The following TRPS1 variants were observed in gnomAD, a reference collection of about 807,000 sequenced individuals.
TRPS1 encodes the protein transcriptional repressor GATA binding 1, also known as zinc finger transcription factor Trps1.
A neutral mutation model predicts 101.2 loss-of-function variants in TRPS1; 6 were observed. The observed-to-expected ratio is 0.06, with a 90% CI of 0.03 to 0.12. The LOEUF is 0.12. Among genes scored for constraint, TRPS1 ranks in the 10% least tolerant of loss-of-function variants. The probability of loss-of-function intolerance (pLI) is 1.00; values close to 1 mark genes in which losing one functional copy is unlikely to be tolerated. For synonymous variants in TRPS1, 578 were observed against 589.8 expected, an observed-to-expected ratio of 0.98 and a Z score of 0.29; for missense variants, 1,363 against 1,567.0, an observed-to-expected ratio of 0.87 and a Z score of 2.20.
intron 1 of TRPS1, among the ~76,000 whole-genome samples, chr8:115,652,429 T>C (rs980944794): frequency 6.6e-6 from 1 of 152,244 alleles, no homozygotes; most frequent in African/African-American, 2.4e-5. Context: ...ACAAACTCCG[T>C]ATCTGACTTA....
intron 5 of TRPS1, among the ~76,000 whole-genome samples, chr8:115,423,848 C>T (rs1342792199): frequency 6.6e-6 from 1 of 151,922 alleles, no homozygotes; most frequent in African/African-American, 2.4e-5. Context: ...ATTGGGTCGG[C>T]TGTTTTTATT....
chr8:115,508,925 A>C (rs1815512138), intron 5 of TRPS1, among the ~76,000 whole-genome samples: 1 of 151,978 alleles, frequency 6.6e-6, no homozygotes, highest in African/African-American at 2.4e-5. Context: ...TTTGGACTCT[A>C]TGTAAAGTTG....
chr8:115,421,924 G>A (rs1380140955), intron 5 of TRPS1, among the ~76,000 whole-genome samples: 1 of 152,190 alleles, frequency 6.6e-6, no homozygotes, highest in Non-Finnish European at 1.5e-5. Context: ...AAGGAACGCA[G>A]AGTAGAAGCC....
At chr8:115,524,319 C>CTTTTTTTTTTTTTTTTTTT (rs139406462) in intron 5 of TRPS1, among the ~76,000 whole-genome samples, 9 of 70,714 alleles carry the variant, frequency 1.3e-4, no homozygotes, top group Middle Eastern at 0.011. Context: ...CTTCTTCTTC[C>CTTTTTTTTTTTTTTTTTTT]TTTTTTTTTT....
intron 1 of TRPS1, among the ~76,000 whole-genome samples, chr8:115,644,086 G>C (rs1296595112): frequency 6.6e-6 from 1 of 152,144 alleles, no homozygotes; most frequent in Non-Finnish European, 1.5e-5. Context: ...AGGCTTTGCT[G>C]TTCCTTTTAT....
At chr8:115,605,119 C>G (rs1452270503) in intron 3 of TRPS1, 117 bp from the exon 4 acceptor site, 1 of 899,216 alleles carries the variant, frequency 1.1e-6, no homozygotes, top group African/African-American at 1.7e-5. Context: ...AATAGTACTC[C>G]TGCTTATTAT....
In TRPS1 at chr8:115,580,776, T is replaced by C. The variant is rs186369108; in HGVS notation, c.2700+6225A>G. ...ACAAAAACATTGTTGTTGTCGTTTT[T>C]CAAGTGCTATTAATGTGGGTGGGAG... On this transcript the variant is annotated intron_variant, in intron 5 of 6. Transcript: ENST00000395715. 4.3e-4 allele frequency among the ~76,000 whole-genome samples: 66 copies of C among 152,218 alleles called. No homozygotes were observed. In the East Asian group the frequency reaches 0.012, roughly 27 times the overall value.
intron 1 of TRPS1, among the ~76,000 whole-genome samples, chr8:115,640,838 A>T (rs1818879185): frequency 6.6e-6 from 1 of 152,082 alleles, no homozygotes; most frequent in African/African-American, 2.4e-5. Flanking sequence ...AAGATGTAAC[A>T]CTCTCATTTA....
intron 1 of TRPS1, among the ~76,000 whole-genome samples, chr8:115,626,288 A>G (rs2737223): frequency 1.2e-4 from 17 of 141,910 alleles, no homozygotes; most frequent in South Asian, 2.2e-4. Flanking sequence ...TGGTTTAGGG[A>G]AAAAAAAAAA....
chr8:115,543,354 A>G (rs1816497890), intron 5 of TRPS1, among the ~76,000 whole-genome samples: 1 of 152,132 alleles, frequency 6.6e-6, no homozygotes, highest in South Asian at 2.1e-4. Context: ...TCTAATATGG[A>G]GTTTTATCTA....
chr8:115,593,169 T>A (rs1361213150), intron 4 of TRPS1, among the ~76,000 whole-genome samples: 1 of 152,140 alleles, frequency 6.6e-6, no homozygotes, highest in South Asian at 2.1e-4. Flanking sequence ...TTAAGTCACA[T>A]ACACCTTCTG....
intron 1 of TRPS1, among the ~76,000 whole-genome samples, chr8:115,660,289 C>T (rs957477759): frequency 3.3e-5 from 5 of 151,980 alleles, no homozygotes; most frequent in Admixed American, 3.3e-4. Flanking sequence ...AAGCTTTATA[C>T]ATTCTGTCCA....
At chr8:115,536,070 T>A (rs1217092771) in intron 5 of TRPS1, among the ~76,000 whole-genome samples, 1 of 152,086 alleles carries the variant, frequency 6.6e-6, no homozygotes, top group Non-Finnish European at 1.5e-5. Context: ...ATAAAATTAA[T>A]GAGCCAATCA....
intron 3 of TRPS1, among the ~76,000 whole-genome samples, chr8:115,612,746 ACT>A (rs1250599978): frequency 2.0e-5 from 3 of 152,110 alleles, no homozygotes; most frequent in Admixed American, 1.3e-4. Context: ...AGGCCAGGAG[ACT>A]CTGTGAATTC....
intron 1 of TRPS1, among the ~76,000 whole-genome samples, chr8:115,627,764 T>C (rs1174366430): frequency 6.6e-6 from 1 of 151,776 alleles, no homozygotes; most frequent in Non-Finnish European, 1.5e-5. Flanking sequence ...AAATCTCAAT[T>C]ATTAACTCAA....
At chr8:115,524,319 C>CTTTTTTT (rs139406462) in intron 5 of TRPS1, among the ~76,000 whole-genome samples, 7 of 70,704 alleles carry the variant, frequency 9.9e-5, no homozygotes, top group East Asian at 4.4e-4. Flanking sequence ...CTTCTTCTTC[C>CTTTTTTT]TTTTTTTTTT....
intron 2 of TRPS1, among the ~76,000 whole-genome samples, chr8:115,621,064 C>G (rs979005539): frequency 1.1e-4 from 16 of 152,104 alleles, no homozygotes; most frequent in African/African-American, 3.9e-4. Flanking sequence ...TGACTGGGGT[C>G]AAAAGAAGAA....
intron 4 of TRPS1, among the ~76,000 whole-genome samples, chr8:115,595,621 A>C (rs557117519): frequency 6.6e-6 from 1 of 152,038 alleles, no homozygotes; most frequent in African/African-American, 2.4e-5. Context: ...CAAACTTAGA[A>C]TCCCCTTTCA....
chr8:115,464,503 C>A (rs879301955), intron 5 of TRPS1, among the ~76,000 whole-genome samples: 7 of 152,044 alleles, frequency 4.6e-5, no homozygotes, highest in Non-Finnish European at 1.0e-4. Flanking sequence ...CACAAGGGCA[C>A]AATATTCTAT....
Sources: allele counts gnomAD v4.1 joint callset (sites outside exome capture counted in the v4.1 genomes callset), GRCh38; gene constraint gnomAD v4.1.1; transcripts MANE v1.5; gene names NCBI Gene and HGNC (gene_info 2026-07-23, HGNC 2026-07-21).